The following NRP1 variants were observed in gnomAD, a reference collection of about 807,000 sequenced individuals.
The protein encoded by NRP1 is neuropilin 1.
A neutral mutation model predicts 106.7 loss-of-function variants in NRP1; 35 were observed. That is an observed-to-expected ratio of 0.33 (90% CI 0.25 to 0.43). The LOEUF is 0.43. Among genes scored for constraint, NRP1 ranks in the 20% least tolerant of loss-of-function variants. The pLI is 1.00. For missense variants in NRP1, 1,024 were observed against 1,170.4 expected (o/e 0.87, Z 1.83); for synonymous variants, 437 against 417.9 (o/e 1.05, Z -0.56).
chr10:33,192,994 T>C (rs1836519636), intron 12 of NRP1, among the ~76,000 whole-genome samples: 1 of 152,346 alleles, frequency 6.6e-6, no homozygotes, highest in African/African-American at 2.4e-5. Context: ...CCATGCCTTC[T>C]ATAAGGTCGA....
chr10:33,295,366 G>A (rs574200677), intron 2 of NRP1, among the ~76,000 whole-genome samples: 7 of 152,306 alleles, frequency 4.6e-5, no homozygotes, highest in South Asian at 2.1e-4. Flanking sequence ...CAGTTCATTC[G>A]TGGTCAGTCT....
At chr10:33,310,248 CTTT>C (rs35513274) in intron 2 of NRP1, among the ~76,000 whole-genome samples, 1 of 80,146 alleles carries the variant, frequency 1.2e-5, no homozygotes. Flanking sequence ...TGCGCCCGGC[CTTT>C]TTTTTTTTTT....
In NRP1 at chr10:33,267,050, C is replaced by CA. The variant is rs374159998; in HGVS notation, c.431-3178dup. Among the ~76,000 whole-genome samples the CA allele has an allele frequency of 3.3e-3, 499 of 151,650 alleles. 5 individuals are homozygous for CA. Among genetic ancestry groups the CA allele is most frequent in the Non-Finnish European group, 5.2e-3 (350 of 67,778 alleles). ...CTGTCTCAAAACAAAACACAAAAAACAAAAAAACGTGTAGCACCTCCCCTC... is the reference window on the plus strand; with the variant it reads ...CTGTCTCAAAACAAAACACAAAAAACAAAAAAAACGTGTAGCACCTCCCCTC... On this transcript the variant is annotated intron_variant, in intron 3 of 16. Coordinates refer to ENST00000374867, the MANE Select transcript of NRP1 (RefSeq NM_003873.7).
intron 12 of NRP1, among the ~76,000 whole-genome samples, chr10:33,196,205 A>G (rs1836773106): frequency 6.6e-6 from 1 of 152,132 alleles, no homozygotes; most frequent in African/African-American, 2.4e-5. Context: ...TTCATAGTCA[A>G]GGAGAAGAGA....
chr10:33,202,510 A>G, intron 11 of NRP1: 1 of 1,229,970 alleles, frequency 8.1e-7, no homozygotes, highest in African/African-American at 1.5e-5. Context: ...TCCTCATTAG[A>G]AAATGAAAAT....
chr10:33,180,159 C>G lies in NRP1; in HGVS notation c.2689G>C (p.Glu897Gln), dbSNP rs777261396. The G allele has an allele frequency of 4.3e-6, 7 of 1,614,040 alleles. No homozygotes were observed. The highest frequency in any genetic ancestry group is 5.1e-6 in the Non-Finnish European group (6 of 1,180,042). ...TCCACAAGTTCAAAGTTATAGTTCT[C>G]CAGGGCAGACAAGTTTCTTTCTGAC... ...GMSERNLSAL[E>Q]NYNFELVDGV... The change falls in exon 17 of 17, where the codon GAG becomes CAG. Residue 897 changes from glutamate to glutamine, a missense_variant. Transcript: ENST00000374867.
chr10:33,289,830 CTCTTT>C (rs759327403), intron 2 of NRP1, among the ~76,000 whole-genome samples: 7 of 152,206 alleles, frequency 4.6e-5, no homozygotes, highest in Non-Finnish European at 7.3e-5. Flanking sequence ...ACAATTCATT[CTCTTT>C]TCTTTAGTGC....
chr10:33,261,403 T>C lies in NRP1; in HGVS notation c.658+2243A>G, dbSNP rs75291993. The stretch of plus-strand genomic sequence containing the variant: ...CAAATTTGGGTTGTGAACAAATAAA[T>C]CCATTGTAAAATGTTCCAACTATTG... On this transcript the variant is annotated intron_variant, in intron 4 of 16. Transcript: ENST00000374867. 1.0e-3 allele frequency among the ~76,000 whole-genome samples: 154 copies of C among 152,286 alleles called. 2 individuals carry two copies. The highest frequency in any genetic ancestry group is 3.7e-3 in the African/African-American group (154 of 41,562).
rs142121081 is a variant in NRP1 at position 33,226,261 on chromosome 10, G to A, written c.1010C>T (p.Thr337Met). The stretch of plus-strand genomic sequence containing the variant: ...AATGGCGCCCTGTGTCCCGACAGCC[G>A]TGACAAAGCGCAGAAGGCCCAAGTC... ...QVDLGLLRFVTAVGTQGAISK... is the reference protein window; with the variant it reads ...QVDLGLLRFVMAVGTQGAISK... The change falls in exon 7 of 17, where the codon ACG becomes ATG. Residue 337 changes from threonine (T) to methionine (M), a missense_variant. Physicochemically the swap from Thr to Met is moderately conservative, Grantham distance 81 (BLOSUM62 -1). Transcript: ENST00000374867. The A allele has an allele frequency of 4.0e-5, 64 of 1,613,986 alleles. 1 individual carries two copies. Among genetic ancestry groups the A allele is most frequent in the South Asian group, 3.0e-4 (27 of 91,082 alleles).
Position 33,334,310 on chromosome 10 carries a change from C to A in NRP1, c.73G>T (p.Asp25Tyr). 1 of 1,541,960 alleles carries A rather than the reference C, an allele frequency of 6.5e-7. No homozygotes were observed. The highest frequency in any genetic ancestry group is 8.7e-7 in the Non-Finnish European group (1 of 1,146,132). Reference protein sequence around the residue: ...VLAPAGAFRNDKCGDTIKIES... With the variant: ...VLAPAGAFRNYKCGDTIKIES... ...ACCCGCGCCTCTGCCTGTCACTTAC[C>A]GTTGCGAAAAGCGCCGGCCGGGGCG... Residue 25 changes from aspartate (D) to tyrosine (Y), a missense_variant and splice_region_variant, in exon 1 of 17, where the codon GAT becomes TAT. By Grantham distance (160) the Asp-to-Tyr change is radical. This residue lies in a region of NRP1 where 279 missense variants were observed against 327.4 expected (regional missense o/e 0.85). Coordinates refer to ENST00000374867, the MANE Select transcript of NRP1 (RefSeq NM_003873.7).
chr10:33,333,891 C>G (rs1193830509), intron 1 of NRP1, among the ~76,000 whole-genome samples: 1 of 152,118 alleles, frequency 6.6e-6, no homozygotes, highest in Admixed American at 6.5e-5. Flanking sequence ...CCAGAGGAAA[C>G]GGCTTAGGGG....
At chr10:33,279,484 C>T (rs1184019867) in intron 2 of NRP1, among the ~76,000 whole-genome samples, 1 of 152,204 alleles carries the variant, frequency 6.6e-6, no homozygotes, top group African/African-American at 2.4e-5. Context: ...CCTAGCATCA[C>T]ATTCTTCCCA....
At chr10:33,307,865 G>T (rs1375303810) in intron 2 of NRP1, among the ~76,000 whole-genome samples, 1 of 152,050 alleles carries the variant, frequency 6.6e-6, no homozygotes, top group African/African-American at 2.4e-5. Context: ...TCATTACTGG[G>T]TATATACCCA....
intron 4 of NRP1, among the ~76,000 whole-genome samples, chr10:33,257,536 C>T (rs746738932): frequency 4.6e-5 from 7 of 152,154 alleles, no homozygotes; most frequent in African/African-American, 7.2e-5. Flanking sequence ...ACTGGGGAGG[C>T]TGAGGCAAGA....
chr10:33,217,453 G>A (rs982007682), intron 8 of NRP1, among the ~76,000 whole-genome samples: 1 of 151,832 alleles, frequency 6.6e-6, no homozygotes. Flanking sequence ...ACAATAATTT[G>A]CAGAAAAATT....
chr10:33,243,964 T>TGTGC (rs1416774926), intron 6 of NRP1, among the ~76,000 whole-genome samples: 2 of 151,682 alleles, frequency 1.3e-5, no homozygotes, highest in African/African-American at 4.8e-5. Context: ...TGTGTGTGTG[T>TGTGC]GCATGCATGC....
At chr10:33,324,053 T>G (rs1847717908) in intron 2 of NRP1, among the ~76,000 whole-genome samples, 1 of 152,202 alleles carries the variant, frequency 6.6e-6, no homozygotes, top group Admixed American at 6.5e-5. Flanking sequence ...TCCTTTAAAT[T>G]ACAGAAATGC....
chr10:33,237,441 C>T (rs1840642690), intron 6 of NRP1, among the ~76,000 whole-genome samples: 1 of 151,166 alleles, frequency 6.6e-6, no homozygotes, highest in Non-Finnish European at 1.5e-5. Flanking sequence ...GAAGCAGAAG[C>T]GGCCAGCTTT....
At chr10:33,318,767 TTGGTGGCCAAAACCACGATAAC>T (rs890259235) in intron 2 of NRP1, among the ~76,000 whole-genome samples, 1 of 148,052 alleles carries the variant, frequency 6.8e-6, no homozygotes, top group Admixed American at 6.6e-5. Flanking sequence ...TATCGTGGTT[TTGGTGGCCAAAACCACGATAAC>T]TTTTGCGCCA....
Sources: allele counts gnomAD v4.1 joint callset (sites outside exome capture counted in the v4.1 genomes callset), GRCh38; gene constraint gnomAD v4.1.1; regional missense constraint gnomAD v4.1.1; transcripts MANE v1.5; gene names NCBI Gene and HGNC (gene_info 2026-07-23, HGNC 2026-07-21).